The following SMPD3 variants were observed in gnomAD, a reference collection of about 807,000 sequenced individuals.
SMPD3 encodes the protein sphingomyelin phosphodiesterase 3, also known as nSMase-2.
In SMPD3, 21 loss-of-function variants were observed where a neutral mutation model predicts 55.7. The ratio of observed to expected loss-of-function variants is 0.38; its 90% CI spans 0.27 to 0.54. SMPD3 has a LOEUF of 0.54. SMPD3 is among the 20% of genes least tolerant of loss of function. The pLI, the probability that SMPD3 is intolerant of heterozygous loss-of-function variation, is 0.80. For synonymous variants in SMPD3, 457 were observed against 404.3 expected (o/e 1.13, Z -1.56); for missense variants, 842 against 899.6 (o/e 0.94, Z 0.82).
intron 1 of SMPD3, among the ~76,000 whole-genome samples, chr16:68,398,909 A>C (rs1439834867): frequency 6.6e-6 from 1 of 152,170 alleles, no homozygotes; most frequent in Non-Finnish European, 1.5e-5. Flanking sequence ...GTCACTTTTC[A>C]TTCTGTTCCC....
In SMPD3 at chr16:68,447,397, G is replaced by A. The variant is rs915547177; in HGVS notation, c.-269+956C>T. ...TCTGGGATTGGCCCCCAGCTGCGGT[G>A]CCAGAGGCTCGGTCCCCGGGGCGTG... On this transcript the variant is annotated intron_variant, in intron 1 of 8. Coordinates refer to ENST00000219334, the MANE Select transcript of SMPD3 (RefSeq NM_018667.4). The surrounding 1 kb of genome is among the most constrained non-coding windows in gnomAD (Gnocchi z 5.1). 1.3e-4 allele frequency among the ~76,000 whole-genome samples: 20 copies of A among 152,208 alleles called. No individual in the cohort carries two copies. The highest frequency in any genetic ancestry group is 2.5e-4 in the Non-Finnish European group (17 of 68,024).
intron 2 of SMPD3, among the ~76,000 whole-genome samples, chr16:68,381,877 G>C (rs1375249025): frequency 1.3e-5 from 2 of 152,154 alleles, no homozygotes; most frequent in East Asian, 1.9e-4. Flanking sequence ...ATTACGGACA[G>C]CTTGCAGTTT....
rs778289387 is a variant in SMPD3 at position 68,361,767 on chromosome 16, C to T, written c.1710-8G>A. ...TCCTCACTCTCCAGGACCCTGTCCA[C>T]ACATGCAGGAGGCAGGTGGGCCCCC... On this transcript the variant is annotated splice_region_variant and splice_polypyrimidine_tract_variant and intron_variant, in intron 7 of 8. Transcript: ENST00000219334. 1.9e-6 allele frequency: 3 copies of T among 1,611,434 alleles called. No homozygotes were observed. Among genetic ancestry groups the T allele is most frequent in the Non-Finnish European group, 8.5e-7 (1 of 1,179,760 alleles).
Sources: allele counts gnomAD v4.1 joint callset (sites outside exome capture counted in the v4.1 genomes callset), GRCh38; gene constraint gnomAD v4.1.1; non-coding constraint Gnocchi (gnomAD v3.1); transcripts MANE v1.5; gene names NCBI Gene and HGNC (gene_info 2026-07-23, HGNC 2026-07-21).